The following LPAR1 variants were observed in gnomAD, a reference collection of about 807,000 sequenced individuals.
LPAR1 encodes the protein lysophosphatidic acid receptor 1.
LPAR1 carries 5 observed loss-of-function variants against 23.8 expected under a neutral mutation model. The observed-to-expected ratio is 0.21, with a 90% CI of 0.11 to 0.44. The LOEUF is 0.44. Ranked by LOEUF, LPAR1 falls within the 20% of genes least tolerant of loss-of-function variation. The pLI, the probability that LPAR1 is intolerant of heterozygous loss-of-function variation, is 0.99. For synonymous variants in LPAR1, 160 were observed against 164.7 expected, an observed-to-expected ratio of 0.97 and a Z score of 0.22; for missense variants, 311 against 482.8, an observed-to-expected ratio of 0.64 and a Z score of 3.33.
At chr9:111,003,462 T>C (rs1446843392) in intron 2 of LPAR1, among the ~76,000 whole-genome samples, 1 of 152,156 alleles carries the variant, frequency 6.6e-6, no homozygotes, top group Non-Finnish European at 1.5e-5. Flanking sequence ...ATTTGCTTAA[T>C]AGAGTGAACC....
intron 5 of LPAR1, among the ~76,000 whole-genome samples, chr9:110,925,047 A>C (rs2135381190): frequency 6.6e-6 from 1 of 152,196 alleles, no homozygotes; most frequent in East Asian, 1.9e-4. Context: ...CATATTTGTA[A>C]GTGAATAGGG....
At chr9:110,996,251 T>C (rs111424901) in intron 2 of LPAR1, among the ~76,000 whole-genome samples, 2,013 of 152,110 alleles carry the variant, frequency 0.013, 14 homozygotes, top group Non-Finnish European at 0.02. Context: ...GATAAGGCAT[T>C]ATGACATTAG....
intron 5 of LPAR1, among the ~76,000 whole-genome samples, chr9:110,925,282 A>G (rs1328095402): frequency 6.6e-6 from 1 of 150,854 alleles, no homozygotes; most frequent in Admixed American, 6.6e-5. Flanking sequence ...GTCCATATAT[A>G]TAAAGATTGT....
rs1352516158 is a variant in LPAR1, at chr9:110,874,473, ATAT to A, written c.*945_*947del. On this transcript the variant is annotated 3_prime_UTR_variant, in exon 6 of 6. Transcript: ENST00000683809. The stretch of plus-strand genomic sequence containing the variant: ...TAAAGGTGGTTACTTCTGGGTTGTG[ATAT>A]TATCAGTAATCATTTTTGCTTTTTT... The A allele has an allele frequency of 6.6e-6, 1 of 152,554 alleles. No individual in the cohort carries two copies. Among genetic ancestry groups the A allele is most frequent in the Non-Finnish European group, 1.5e-5 (1 of 68,008 alleles). 9.5% of individuals were successfully genotyped at this position (152,554 alleles called of 1,614,324 possible).
intron 2 of LPAR1, among the ~76,000 whole-genome samples, chr9:110,992,334 G>GA (rs1326799438): frequency 1.3e-5 from 2 of 152,006 alleles, no homozygotes; most frequent in Admixed American, 6.5e-5. Context: ...GGATAAAATT[G>GA]AAAAAACCAA....
chr9:111,029,524 G>A (rs1420668999), intron 2 of LPAR1, among the ~76,000 whole-genome samples: 1 of 151,960 alleles, frequency 6.6e-6, no homozygotes, highest in Non-Finnish European at 1.5e-5. Flanking sequence ...TTACTCTTCT[G>A]CATGGAATGA....
intron 2 of LPAR1, among the ~76,000 whole-genome samples, chr9:110,997,208 C>T (rs2097030088): frequency 6.6e-6 from 1 of 152,158 alleles, no homozygotes; most frequent in Non-Finnish European, 1.5e-5. Context: ...CATTTCAAAG[C>T]AAAGGGCAGA....
chr9:110,972,470 AC>A (rs1430347382), intron 3 of LPAR1, among the ~76,000 whole-genome samples: 6 of 152,204 alleles, frequency 3.9e-5, no homozygotes, highest in Non-Finnish European at 7.3e-5. Context: ...TTTTGGGAAG[AC>A]AGTTTCAAGT....
chr9:111,000,046 C>G (rs1331793698), intron 2 of LPAR1, among the ~76,000 whole-genome samples: 1 of 152,128 alleles, frequency 6.6e-6, no homozygotes, highest in Non-Finnish European at 1.5e-5. Context: ...TAATCTCATT[C>G]ATGAGGGCGG....
chr9:110,956,894 A>C (rs1386866605), intron 4 of LPAR1, among the ~76,000 whole-genome samples: 1 of 152,202 alleles, frequency 6.6e-6, no homozygotes, highest in Non-Finnish European at 1.5e-5. Flanking sequence ...AAGGATTCCA[A>C]AATATCAAAG....
At chr9:110,891,861 A>C (rs1014256339) in intron 5 of LPAR1, among the ~76,000 whole-genome samples, 2 of 152,244 alleles carry the variant, frequency 1.3e-5, no homozygotes, top group Admixed American at 6.5e-5. Context: ...CACCCACTGA[A>C]TGTCTACAAT....
Position 110,873,781 on chromosome 9 carries a change from G to C in LPAR1, c.*1640C>G, listed in dbSNP as rs1215759268. Reference sequence around the variant, plus strand: ...CAGATGGACCCACACTAATTGATATGACAATCCTTTATTCACTCGGCACAT... The same window carrying C: ...CAGATGGACCCACACTAATTGATATCACAATCCTTTATTCACTCGGCACAT... On this transcript the variant is annotated 3_prime_UTR_variant, in exon 6 of 6. Coordinates refer to ENST00000683809, the MANE Select transcript of LPAR1 (RefSeq NM_001351411.2). 2.0e-5 allele frequency: 3 copies of C among 152,166 alleles called. No homozygotes were observed. The highest frequency in any genetic ancestry group is 4.4e-5 in the Non-Finnish European group (3 of 68,036). 9.4% of individuals were successfully genotyped at this position (152,166 alleles called of 1,614,324 possible).
intron 5 of LPAR1, among the ~76,000 whole-genome samples, chr9:110,878,273 C>T (rs560784148): frequency 6.6e-6 from 1 of 152,192 alleles, no homozygotes; most frequent in East Asian, 1.9e-4. Context: ...ATTCTGCGCC[C>T]CCCTCCCCCT....
chr9:111,000,413 T>C (rs543084360), intron 2 of LPAR1, among the ~76,000 whole-genome samples: 1 of 152,260 alleles, frequency 6.6e-6, no homozygotes, highest in South Asian at 2.1e-4. Context: ...CTTAGGGGCA[T>C]GGGGCCAGGG....
chr9:111,006,326 TC>T (rs2097217359), intron 2 of LPAR1, among the ~76,000 whole-genome samples: 1 of 152,138 alleles, frequency 6.6e-6, no homozygotes, highest in Non-Finnish European at 1.5e-5. Flanking sequence ...TCCCACACAT[TC>T]CATTCCCAAT....
At chr9:111,022,653 G>T (rs985207741) in intron 2 of LPAR1, among the ~76,000 whole-genome samples, 1 of 151,948 alleles carries the variant, frequency 6.6e-6, no homozygotes, top group African/African-American at 2.4e-5. Context: ...TTACTAAATT[G>T]GTAATTATAT....
chr9:111,005,732 C>A lies in LPAR1; in HGVS notation c.-182+30390G>T, dbSNP rs145347656. On this transcript the variant is annotated intron_variant, in intron 2 of 5. Coordinates refer to ENST00000683809, the MANE Select transcript of LPAR1 (RefSeq NM_001351411.2). ...CTAGAAAACATCATGTTACTTCATG[C>A]CTTCCATATTCTGTTTTCACAATTA... is the stretch of plus-strand genomic sequence containing the variant. Among the ~76,000 whole-genome samples, 107 of 152,136 alleles carry A rather than the reference C, an allele frequency of 7.0e-4. 1 individual carries two copies. In the East Asian group the frequency reaches 0.018, roughly 26 times the overall value.
intron 5 of LPAR1, among the ~76,000 whole-genome samples, chr9:110,909,448 C>A (rs1022739932): frequency 6.6e-6 from 1 of 152,160 alleles, no homozygotes; most frequent in Non-Finnish European, 1.5e-5. Context: ...CTAGACCAAA[C>A]CCCTGGTGTT....
At chr9:110,912,604 T>C (rs959291885) in intron 5 of LPAR1, among the ~76,000 whole-genome samples, 8 of 152,184 alleles carry the variant, frequency 5.3e-5, no homozygotes, top group Non-Finnish European at 7.3e-5. Flanking sequence ...TTAATGGAGA[T>C]AGTGTTTGGA....
Sources: gnomAD v4.1 joint callset for allele counts (sites outside exome capture counted in the v4.1 genomes callset) on GRCh38, gnomAD v4.1.1 for gene constraint, MANE v1.5 for transcripts, NCBI Gene and HGNC (gene_info 2026-07-23, HGNC 2026-07-21) for gene names.